The following AHR variants were observed in gnomAD, a reference collection of about 807,000 sequenced individuals.
AHR encodes aryl hydrocarbon receptor.
In AHR, 40 loss-of-function variants were observed where a neutral mutation model predicts 86.8. The ratio of observed to expected loss-of-function variants is 0.46; its 90% CI spans 0.36 to 0.60. AHR has a LOEUF of 0.60. AHR is among the 20% of genes least tolerant of loss of function. AHR has a pLI of 0.00. For synonymous variants in AHR, 398 were observed against 354.9 expected (o/e 1.12, Z -1.37); for missense variants, 1,001 against 1,011.6 (o/e 0.99, Z 0.14).
chr7:17,322,390 C>G (rs1782183489), intron 2 of AHR, 111 bp from the exon 3 acceptor site: 3 of 664,404 alleles, frequency 4.5e-6, no homozygotes, highest in East Asian at 5.5e-5. Flanking sequence ...CTAAAAATAC[C>G]AGTGGATGCC....
intron 1 of AHR, among the ~76,000 whole-genome samples, chr7:17,307,052 T>C (rs2115351475): frequency 6.6e-6 from 1 of 152,290 alleles, no homozygotes; most frequent in South Asian, 2.1e-4. Context: ...CACATAGTAA[T>C]GCATTAGAAA....
At chr7:17,317,340 G>T (rs1284595080) in intron 2 of AHR, among the ~76,000 whole-genome samples, 2 of 152,058 alleles carry the variant, frequency 1.3e-5, no homozygotes. Context: ...ACTTGGAAAA[G>T]TGTGATAGCT....
chr7:17,316,841 GTGATTAAAGCAC>G (rs1421527464), intron 2 of AHR, among the ~76,000 whole-genome samples: 3 of 152,056 alleles, frequency 2.0e-5, no homozygotes, highest in Non-Finnish European at 4.4e-5. Context: ...GTTGTGTTTT[GTGATTAAAGCAC>G]TGACAGCAGG....
rs1782405764 is a variant in AHR at position 17,340,212 on chromosome 7, A to G, written c.2387A>G (p.Gln796Arg). The change falls in exon 10 of 11, where the codon CAG (glutamine) becomes CGG (arginine). Residue 796 changes from glutamine (Q) to arginine (R), a missense_variant. Physicochemically the swap from Gln to Arg is conservative, Grantham distance 43 (BLOSUM62 1). Coordinates refer to ENST00000242057, the MANE Select transcript of AHR (RefSeq NM_001621.5). ...MQYNPVLPGQQAFLNKFQNGV... is the reference protein window; with the variant it reads ...MQYNPVLPGQRAFLNKFQNGV... ...TACAATCCAGTACTGCCAGGCCAAC[A>G]GGCATTTTTAAACAAGGTAAGGGTG... 6.2e-7 allele frequency: 1 copy of G among 1,608,192 alleles called. No individual in the cohort carries two copies. The highest frequency in any genetic ancestry group is 8.5e-7 in the Non-Finnish European group (1 of 1,176,400).
chr7:17,335,546 A>T (rs1327092957), intron 8 of AHR, 99 bp from the exon 9 acceptor site: 1 of 977,748 alleles, frequency 1.0e-6, no homozygotes, highest in Non-Finnish European at 1.4e-6. Context: ...GGATAAAGGA[A>T]ATACATCCAG....
Position 17,337,169 on chromosome 7 carries a change from T to A in AHR, c.1160+1383T>A, listed in dbSNP as rs995166300. On this transcript the variant is annotated intron_variant, in intron 9 of 10. Coordinates refer to ENST00000242057, the MANE Select transcript of AHR (RefSeq NM_001621.5). ...ATTTTTCTAGTTGCCTTTTTATGAT[T>A]GACTTTTAGCTTAATTCCATTGTAG... is the stretch of plus-strand genomic sequence containing the variant. Among the ~76,000 whole-genome samples the A allele has an allele frequency of 4.6e-5, 7 of 152,214 alleles. No individual in the cohort carries two copies. In the South Asian group the frequency reaches 1.5e-3, roughly 32 times the overall value.
intron 4 of AHR, 88 bp from the exon 5 acceptor site, chr7:17,329,864 C>T (rs1782267386): frequency 6.7e-6 from 8 of 1,187,334 alleles, no homozygotes; most frequent in Non-Finnish European, 9.3e-6. Flanking sequence ...CTAGCAAGCA[C>T]CCACTAATCT....
intron 2 of AHR, among the ~76,000 whole-genome samples, chr7:17,317,116 G>GT (rs66779121): frequency 0.42 from 51,471 of 122,962 alleles, 12,318 homozygotes; most frequent in East Asian, 0.64. Context: ...GGAGAATTTT[G>GT]TTTTTTTTTT....
chr7:17,316,693 T>C (rs188644613), intron 2 of AHR, among the ~76,000 whole-genome samples: 121 of 152,298 alleles, frequency 7.9e-4, no homozygotes, highest in Non-Finnish European at 1.1e-3. Context: ...ATTCTTCATG[T>C]ATTTTCTAGC....
intron 10 of AHR, among the ~76,000 whole-genome samples, 157 bp downstream of exon 10, chr7:17,340,385 T>A (rs980352087): frequency 2.6e-5 from 4 of 151,998 alleles, no homozygotes; most frequent in African/African-American, 9.7e-5. Flanking sequence ...TTTTTTTTTT[T>A]ACAAGCCTGT....
intron 2 of AHR, among the ~76,000 whole-genome samples, chr7:17,313,859 T>C (rs897117457): frequency 7.2e-5 from 11 of 152,146 alleles, no homozygotes; most frequent in Non-Finnish European, 1.5e-4. Flanking sequence ...AATCTAATCT[T>C]TGAAACTGGT....
intron 3 of AHR, among the ~76,000 whole-genome samples, chr7:17,323,978 T>A (rs954854340): frequency 1.3e-5 from 2 of 152,226 alleles, no homozygotes; most frequent in Non-Finnish European, 2.9e-5. Flanking sequence ...TATGTACTGA[T>A]TGACGTAACA....
At chr7:17,322,768 A>C (rs1177714424) in intron 3 of AHR, among the ~76,000 whole-genome samples, 161 bp downstream of exon 3, 1 of 152,048 alleles carries the variant, frequency 6.6e-6, no homozygotes, top group Non-Finnish European at 1.5e-5. Context: ...TACATGAAAA[A>C]CTGGAATTAT....
At chr7:17,308,700 A>AACACACACAC (rs372879452) in intron 1 of AHR, among the ~76,000 whole-genome samples, 1 of 139,510 alleles carries the variant, frequency 7.2e-6, no homozygotes, top group Admixed American at 7.2e-5. Flanking sequence ...TACATACATA[A>AACACACACAC]ACACACACAC....
chr7:17,327,755 G>C lies in AHR; in HGVS notation c.361-4G>C, dbSNP rs201628252. On this transcript the variant is annotated splice_region_variant and splice_polypyrimidine_tract_variant and intron_variant, in intron 3 of 10. Coordinates refer to ENST00000242057, the MANE Select transcript of AHR (RefSeq NM_001621.5). ...ACTAATTTTAGAACTTCCTTTCCTT[G>C]TAGGCTCTGAATGGCTTTGTATTAG... is the stretch of plus-strand genomic sequence containing the variant. 6.5e-7 allele frequency: 1 copy of C among 1,541,142 alleles called. No individual in the cohort carries two copies. Among genetic ancestry groups the C allele is most frequent in the African/African-American group, 1.4e-5 (1 of 73,186 alleles).
intron 9 of AHR, among the ~76,000 whole-genome samples, chr7:17,337,560 C>T (rs530364236): frequency 1.3e-5 from 2 of 150,222 alleles, no homozygotes; most frequent in Admixed American, 6.6e-5. Flanking sequence ...CTGCAAGCTC[C>T]GCCACCCGGG....
rs769439092 is a variant in AHR at position 17,322,577 on chromosome 7, G to A, written c.330G>A (p.Leu110=). 8.7e-6 allele frequency: 14 copies of A among 1,611,524 alleles called. No individual in the cohort carries two copies. In the South Asian group the frequency reaches 1.5e-4, roughly 18 times the overall value. ...GAGCAGCAAATTTCAGAGAAGGCCT[G>A]AACTTACAAGAAGGAGAATTCTTAT... ...NCRAANFREG[L]NLQEGEFLLQ... The change falls in exon 3 of 11, where the codon CTG becomes CTA. Residue 110 remains leucine, a synonymous_variant. Transcript: ENST00000242057.
intron 1 of AHR, among the ~76,000 whole-genome samples, chr7:17,304,369 G>C (rs913382886): frequency 5.3e-5 from 8 of 152,086 alleles, no homozygotes; most frequent in Non-Finnish European, 1.0e-4. Flanking sequence ...GTTTAGCTAA[G>C]TAATATACTG....
chr7:17,337,679 T>G (rs987709478), intron 9 of AHR, among the ~76,000 whole-genome samples: 114 of 150,792 alleles, frequency 7.6e-4, no homozygotes, highest in Non-Finnish European at 1.4e-3. Context: ...GTTTCACCGT[T>G]TTAGCCAGGA....
Sources: gnomAD v4.1 joint callset for allele counts (sites outside exome capture counted in the v4.1 genomes callset) on GRCh38, gnomAD v4.1.1 for gene constraint, MANE v1.5 for transcripts, NCBI Gene and HGNC (gene_info 2026-07-23, HGNC 2026-07-21) for gene names.